The following ITGA1 variants were observed in gnomAD, a reference collection of about 807,000 sequenced individuals.
The protein encoded by ITGA1 is integrin alpha-1.
Under a neutral mutation model 145.9 loss-of-function variants are expected in ITGA1, and 85 were observed. The ratio of observed to expected loss-of-function variants is 0.58; its 90% CI spans 0.49 to 0.70. The LOEUF (loss-of-function observed/expected upper bound fraction) is 0.70. Ranked by LOEUF, ITGA1 falls within the 30% of genes least tolerant of loss-of-function variation. The pLI is 0.00. For missense variants in ITGA1, 1,351 were observed against 1,418.7 expected (o/e 0.95, Z 0.77); for synonymous variants, 520 against 495.3 (o/e 1.05, Z -0.66).
intron 28 of ITGA1, among the ~76,000 whole-genome samples, chr5:52,948,421 C>T (rs981213903): frequency 1.3e-5 from 2 of 152,166 alleles, no homozygotes; most frequent in Admixed American, 6.5e-5. Context: ...TAGCAAGTTT[C>T]TCTCCCACTG....
rs555942191 is a variant in ITGA1 at position 52,806,188 on chromosome 5, ATGAAT to A, written c.61+17783_61+17787del. ...TCCTAATGTATTATATGTATCTCTC[ATGAAT>A]TGAATTGATTTAGAAATTTAGTGTA... On this transcript the variant is annotated intron_variant, in intron 1 of 28. Transcript: ENST00000282588. 2.5e-3 allele frequency among the ~76,000 whole-genome samples: 369 copies of A among 148,986 alleles called. 2 individuals are homozygous for A. The highest frequency in any genetic ancestry group is 8.7e-3 in the African/African-American group (348 of 39,776).
chr5:52,837,642 G>A (rs1392210995), intron 1 of ITGA1, among the ~76,000 whole-genome samples: 1 of 151,852 alleles, frequency 6.6e-6, no homozygotes, highest in East Asian at 1.9e-4. Flanking sequence ...GGAAATATTG[G>A]CTGCCGGTTC....
In ITGA1 at chr5:52,865,721, G is replaced by T; in HGVS notation, c.528G>T (p.Val176=). The change falls in exon 6 of 29, where the codon GTG becomes GTT. Residue 176 remains valine, a synonymous_variant. Coordinates refer to ENST00000282588, the MANE Select transcript of ITGA1 (RefSeq NM_181501.2). ...ECSTQLDIVI[V]LDGSNSIYPW... ...GCACTCAACTGGACATAGTCATAGT[G>T]CTGGATGGTTCCAACAGTATTTACC... 1 of 1,591,502 alleles carries T rather than the reference G, an allele frequency of 6.3e-7. No individual in the cohort carries two copies. The highest frequency in any genetic ancestry group is 8.5e-7 in the Non-Finnish European group (1 of 1,172,694).
intron 2 of ITGA1, among the ~76,000 whole-genome samples, chr5:52,852,864 A>C (rs186773644): frequency 6.6e-6 from 1 of 151,928 alleles, no homozygotes; most frequent in African/African-American, 2.4e-5. Flanking sequence ...ATCATCAATT[A>C]AAAAAAAGCT....
At chr5:52,837,571 A>G (rs1399892690) in intron 1 of ITGA1, among the ~76,000 whole-genome samples, 1 of 152,158 alleles carries the variant, frequency 6.6e-6, no homozygotes, top group Non-Finnish European at 1.5e-5. Context: ...AGATCCTTAT[A>G]TATAACAAAT....
chr5:52,898,333 C>A lies in ITGA1; in HGVS notation c.1259C>A (p.Thr420Asn). The change falls in exon 11 of 29, where the codon ACC (threonine) becomes AAC (asparagine). Residue 420 changes from threonine (T) to asparagine (N), a missense_variant. Transcript: ENST00000282588. ...CAAATCATAATCCCTCGAAACACAA[C>A]CTTTAATGTTGAGTCTACCAAAAAG... Reference protein sequence around the residue: ...ASQIIIPRNTTFNVESTKKNE... With the variant: ...ASQIIIPRNTNFNVESTKKNE... The A allele has an allele frequency of 1.9e-6, 3 of 1,610,960 alleles. No individual in the cohort carries two copies. The highest frequency in any genetic ancestry group is 1.1e-5 in the South Asian group (1 of 90,694).
intron 28 of ITGA1, among the ~76,000 whole-genome samples, chr5:52,949,406 G>A (rs1274298563): frequency 1.3e-5 from 2 of 152,134 alleles, no homozygotes; most frequent in African/African-American, 4.8e-5. Context: ...ATCACTCTGT[G>A]TTCTCTCTTG....
intron 8 of ITGA1, among the ~76,000 whole-genome samples, chr5:52,888,983 CT>C (rs1275007691): frequency 3.3e-5 from 5 of 152,236 alleles, no homozygotes; most frequent in African/African-American, 1.2e-4. Flanking sequence ...GAGAATAAAT[CT>C]GCCACTGCCT....
At chr5:52,893,108 A>T (rs764371824) in intron 8 of ITGA1, among the ~76,000 whole-genome samples, 4 of 152,202 alleles carry the variant, frequency 2.6e-5, no homozygotes. Flanking sequence ...TTCATAAAAA[A>T]GAATGCCCCT....
At position 52,925,313 on chromosome 5, in the gene ITGA1, A is replaced by G. The variant is rs753512888; in HGVS notation, c.2439A>G (p.Lys813=). The change falls in exon 19 of 29, where the codon AAA becomes AAG. Residue 813 remains lysine, a synonymous_variant. Coordinates refer to ENST00000282588, the MANE Select transcript of ITGA1 (RefSeq NM_181501.2). ...PFAKDCGNKE[K]CISDLSLHVA... ...CCAAAGATTGTGGAAATAAGGAAAA[A>G]TGTATCTCAGACCTCAGCCTGCATG... 17 of 1,614,000 alleles carry G rather than the reference A, an allele frequency of 1.1e-5. No individual in the cohort carries two copies. In the African/African-American group the frequency reaches 2.0e-4, roughly 19 times the overall value.
chr5:52,893,376 C>T (rs562714035), intron 8 of ITGA1, among the ~76,000 whole-genome samples: 29 of 152,244 alleles, frequency 1.9e-4, no homozygotes, highest in Middle Eastern at 6.8e-3. Context: ...TACTTTTGAA[C>T]TGTCAGATTT....
intron 13 of ITGA1, among the ~76,000 whole-genome samples, chr5:52,909,395 G>C (rs548628421): frequency 6.6e-6 from 1 of 152,172 alleles, no homozygotes; most frequent in East Asian, 1.9e-4. Context: ...CAGTTAAATC[G>C]GATAGGGTGG....
intron 14 of ITGA1, among the ~76,000 whole-genome samples, chr5:52,915,230 C>T (rs1270653013): frequency 2.6e-5 from 4 of 151,974 alleles, no homozygotes; most frequent in Non-Finnish European, 4.4e-5. Context: ...TATAATTTTT[C>T]CCTCTCTCTG....
intron 8 of ITGA1, chr5:52,889,967 G>A (rs536011444): frequency 6.6e-6 from 1 of 151,656 alleles, no homozygotes; most frequent in South Asian, 2.1e-4. Context: ...CAGGAGCATA[G>A]CCTTGAATTA....
In ITGA1 at chr5:52,934,011, C is replaced by A. The variant is rs755997389; in HGVS notation, c.2964+15C>A. ...TCTTCTACTTGGTAAGAAATTACCT[C>A]TAAAATAGTATTCTAAAGGAGTTAT... On this transcript the variant is annotated intron_variant, in intron 23 of 28. Coordinates refer to ENST00000282588, the MANE Select transcript of ITGA1 (RefSeq NM_181501.2). The A allele has an allele frequency of 3.7e-6, 4 of 1,090,596 alleles. No individual in the cohort carries two copies. The highest frequency in any genetic ancestry group is 5.2e-6 in the Non-Finnish European group (4 of 765,940). The allele number at this position is 1,090,596 out of a possible 1,614,324, so 67.6% of individuals were successfully genotyped here.
chr5:52,814,726 T>A (rs1234890571), intron 1 of ITGA1, among the ~76,000 whole-genome samples: 3 of 151,308 alleles, frequency 2.0e-5, no homozygotes, highest in Non-Finnish European at 4.4e-5. Context: ...TTCTGAGAGG[T>A]ATTAAAAAAA....
chr5:52,790,840 C>A (rs969239195), intron 1 of ITGA1, among the ~76,000 whole-genome samples: 3 of 152,198 alleles, frequency 2.0e-5, no homozygotes, highest in African/African-American at 7.2e-5. Flanking sequence ...CTACCACAAC[C>A]CATAAGCATA....
chr5:52,854,995 G>A (rs1380111833), intron 2 of ITGA1, among the ~76,000 whole-genome samples: 8 of 152,108 alleles, frequency 5.3e-5, no homozygotes, highest in East Asian at 1.9e-4. Context: ...GGAATAAAAC[G>A]TAATAAGTTA....
At chr5:52,831,240 C>T (rs974554155) in intron 1 of ITGA1, among the ~76,000 whole-genome samples, 1 of 152,038 alleles carries the variant, frequency 6.6e-6, no homozygotes, top group African/African-American at 2.4e-5. Flanking sequence ...TCAAGCGATT[C>T]TCATGCCTCA....
Sources: gnomAD v4.1 joint callset for allele counts (sites outside exome capture counted in the v4.1 genomes callset) on GRCh38, gnomAD v4.1.1 for gene constraint, MANE v1.5 for transcripts, NCBI Gene and HGNC (gene_info 2026-07-23, HGNC 2026-07-21) for gene names.